SYNE2: variants seen among roughly 807,000 people sequenced by gnomAD.
SYNE2 encodes spectrin repeat containing nuclear envelope protein 2.
A neutral mutation model predicts 856.3 loss-of-function variants in SYNE2; 431 were observed. The observed-to-expected ratio is 0.50, with a 90% CI of 0.47 to 0.55. SYNE2 has a LOEUF of 0.55. Ranked by LOEUF, SYNE2 falls within the 20% of genes least tolerant of loss-of-function variation. The pLI is 0.00. For synonymous variants in SYNE2, 2,923 were observed against 2,872.3 expected (o/e 1.02, Z -0.56); for missense variants, 8,129 against 8,023.2 (o/e 1.01, Z -0.50).
At position 64,078,664 on chromosome 14, in the gene SYNE2, G is replaced by A. The variant is rs956697663; in HGVS notation, c.11163+58G>A. ...GGTACTTCTGACCCACTCCTGCCTTGTTCATCAGTCACCACAGGGTGAGTT... is the reference window on the plus strand; with the variant it reads ...GGTACTTCTGACCCACTCCTGCCTTATTCATCAGTCACCACAGGGTGAGTT... On this transcript the variant is annotated intron_variant, in intron 55 of 115. Coordinates refer to ENST00000555002, the MANE Select transcript of SYNE2 (RefSeq NM_182914.3). 9 of 1,595,354 alleles carry A rather than the reference G, an allele frequency of 5.6e-6. No homozygotes were observed. In the East Asian group the frequency reaches 1.8e-4, roughly 32 times the overall value.
At chr14:63,907,653 C>G (rs555460202) in intron 1 of SYNE2, among the ~76,000 whole-genome samples, 148 of 151,706 alleles carry the variant, frequency 9.8e-4, no homozygotes, top group African/African-American at 3.4e-3. Context: ...GAATTCAAAT[C>G]TTAGGGTGCC....
At position 64,049,640 on chromosome 14, in the gene SYNE2, A is replaced by G; in HGVS notation, c.7407A>G (p.Lys2469=). 1 of 1,614,144 alleles carries G rather than the reference A, an allele frequency of 6.2e-7. No individual in the cohort carries two copies. Among genetic ancestry groups the G allele is most frequent in the Non-Finnish European group, 8.5e-7 (1 of 1,180,018 alleles). The change falls in exon 47 of 116, where the codon AAA becomes AAG. Residue 2469 remains lysine (K), a synonymous_variant. Coordinates refer to ENST00000555002, the MANE Select transcript of SYNE2 (RefSeq NM_182914.3). ...TATATACCCAGTTGGAAGCAAAGAA[A>G]GCAGCCATTAAGCCACTGGAACAAA... The part of the protein sequence containing the change: ...EKLYTQLEAK[K]AAIKPLEQTE...
intron 1 of SYNE2, among the ~76,000 whole-genome samples, chr14:63,854,393 A>C (rs1054607922): frequency 6.6e-6 from 1 of 152,038 alleles, no homozygotes; most frequent in Non-Finnish European, 1.5e-5. Context: ...TTCAGCTTTT[A>C]TGGGATGAAT....
chr14:64,034,302 G>T (rs750786245), intron 45 of SYNE2, among the ~76,000 whole-genome samples: 5 of 152,146 alleles, frequency 3.3e-5, no homozygotes, highest in Non-Finnish European at 7.4e-5. Flanking sequence ...TAGTCATTCT[G>T]CTAGAATGTG....
At chr14:63,804,730 G>C (rs1254245923) in intron 1 of SYNE2, among the ~76,000 whole-genome samples, 1 of 152,182 alleles carries the variant, frequency 6.6e-6, no homozygotes, top group African/African-American at 2.4e-5. Flanking sequence ...TCGAACTCAG[G>C]TGATCCGCCC....
chr14:63,836,851 CATCTCACA>C (rs2139913903), intron 1 of SYNE2, among the ~76,000 whole-genome samples: 1 of 152,316 alleles, frequency 6.6e-6, no homozygotes, highest in South Asian at 2.1e-4. Flanking sequence ...AGCGAATTCT[CATCTCACA>C]GAGAACAAAA....
At chr14:64,141,851 C>T (rs2098141587) in intron 81 of SYNE2, 91 bp from the exon 82 acceptor site, 1 of 1,387,686 alleles carries the variant, frequency 7.2e-7, no homozygotes, top group African/African-American at 1.5e-5. Flanking sequence ...TATAGCAAGA[C>T]CTTTTATCAA....
In SYNE2 at chr14:64,052,991, A is replaced by T. The variant is rs34843668; in HGVS notation, c.9078A>T (p.Glu3026Asp). Residue 3026 changes from glutamate (E) to aspartate (D), a missense_variant, in exon 48 of 116, where the codon GAA (glutamate) becomes GAT (aspartate). Coordinates refer to ENST00000555002, the MANE Select transcript of SYNE2 (RefSeq NM_182914.3). ...ACCAATTACAAACCCAAGTATTTGA[A>T]AAAGAAAAGGAACTTGAAGAAAAAA... The part of the protein sequence containing the change: ...QLDQLQTQVF[E>D]KEKELEEKIK... 46,043 of 1,610,852 alleles carry T rather than the reference A, an allele frequency of 0.029. 889 individuals carry two copies. The highest frequency in any genetic ancestry group is 0.079 in the Admixed American group (4,669 of 59,362).
At chr14:63,794,042 T>C (rs1404525514) in intron 1 of SYNE2, among the ~76,000 whole-genome samples, 2 of 152,174 alleles carry the variant, frequency 1.3e-5, no homozygotes, top group Admixed American at 6.5e-5. Context: ...GGAAAGTATC[T>C]TTAATAAAGC....
chr14:63,825,167 TA>T (rs1376249104), intron 1 of SYNE2, among the ~76,000 whole-genome samples: 2 of 151,966 alleles, frequency 1.3e-5, no homozygotes, highest in African/African-American at 4.8e-5. Flanking sequence ...AAAATTACAC[TA>T]ACATACTGTA....
Position 63,923,514 on chromosome 14 carries a change from A to G in SYNE2, c.79+14287A>G, listed in dbSNP as rs72718323. Among the ~76,000 whole-genome samples the G allele has an allele frequency of 2.8e-3, 424 of 152,344 alleles. 2 individuals carry two copies. Among genetic ancestry groups the G allele is most frequent in the East Asian group, 4.8e-3 (25 of 5,186 alleles). On this transcript the variant is annotated intron_variant, in intron 2 of 115. Coordinates refer to ENST00000555002, the MANE Select transcript of SYNE2 (RefSeq NM_182914.3). ...CCCTAGCCATTTAATCATTAATTCA[A>G]TAAATGTTTTCTAAATTCCTATAGC...
At chr14:63,945,188 A>T (rs1166525460) in intron 6 of SYNE2, among the ~76,000 whole-genome samples, 1 of 151,086 alleles carries the variant, frequency 6.6e-6, no homozygotes, top group African/African-American at 2.4e-5. Flanking sequence ...ATAAAAATGA[A>T]CAGGTCTTAA....
At chr14:63,766,343 G>A (rs1041528799) in intron 1 of SYNE2, among the ~76,000 whole-genome samples, 1 of 152,152 alleles carries the variant, frequency 6.6e-6, no homozygotes, top group African/African-American at 2.4e-5. Context: ...GCATCCCAAA[G>A]TGCTGGGATT....
chr14:64,061,204 C>T (rs1460760599), intron 49 of SYNE2, among the ~76,000 whole-genome samples: 3 of 152,220 alleles, frequency 2.0e-5, no homozygotes, highest in African/African-American at 7.2e-5. Flanking sequence ...ATTCAGCCAT[C>T]TTGCTCCTCC....
intron 1 of SYNE2, among the ~76,000 whole-genome samples, chr14:63,801,990 G>A (rs1391584387): frequency 6.6e-6 from 1 of 151,276 alleles, no homozygotes; most frequent in Non-Finnish European, 1.5e-5. Flanking sequence ...AAAGGCAAAA[G>A]CAATAAAATA....
At chr14:64,045,092 C>CT (rs1426931462) in intron 45 of SYNE2, among the ~76,000 whole-genome samples, 2 of 152,136 alleles carry the variant, frequency 1.3e-5, no homozygotes, top group Non-Finnish European at 2.9e-5. Context: ...GACCTGGAGT[C>CT]TGTGTTCTAA....
At chr14:64,075,845 C>T (rs554070529) in intron 53 of SYNE2, 100 bp from the exon 54 acceptor site, 12 of 1,343,112 alleles carry the variant, frequency 8.9e-6, no homozygotes, top group East Asian at 2.3e-5. Flanking sequence ...AAACTGCACT[C>T]CTTTAAATCA....
At chr14:64,130,907 AG>A (rs1229625364) in intron 76 of SYNE2, among the ~76,000 whole-genome samples, 2 of 151,970 alleles carry the variant, frequency 1.3e-5, no homozygotes, top group African/African-American at 4.8e-5. Flanking sequence ...AAAGAAGAAA[AG>A]GCTTTCCTGA....
intron 1 of SYNE2, among the ~76,000 whole-genome samples, chr14:63,861,912 T>A (rs1893843990): frequency 6.6e-6 from 1 of 152,104 alleles, no homozygotes; most frequent in Non-Finnish European, 1.5e-5. Context: ...TATGAAAAAT[T>A]TCAAATATAT....
Sources: allele counts gnomAD v4.1 joint callset (sites outside exome capture counted in the v4.1 genomes callset), GRCh38; gene constraint gnomAD v4.1.1; transcripts MANE v1.5; gene names NCBI Gene and HGNC (gene_info 2026-07-23, HGNC 2026-07-21).